The following PER3 variants were observed in gnomAD, a reference collection of about 807,000 sequenced individuals.
PER3 encodes period circadian protein homolog 3.
A neutral mutation model predicts 127.2 loss-of-function variants in PER3; 107 were observed. That is an observed-to-expected ratio of 0.84 (90% CI 0.72 to 0.99). The LOEUF is 0.99. PER3 is among the 50% of genes least tolerant of loss of function. PER3 has a pLI of 0.00. For synonymous variants in PER3, 618 were observed against 585.8 expected, an observed-to-expected ratio of 1.05 and a Z score of -0.79; for missense variants, 1,560 against 1,525.8, an observed-to-expected ratio of 1.02 and a Z score of -0.37.
intron 13 of PER3, among the ~76,000 whole-genome samples, chr1:7,814,325 AAAG>A (rs1255951645): frequency 5.3e-5 from 8 of 152,378 alleles, no homozygotes; most frequent in Admixed American, 3.3e-4. Context: ...CTGATGGAAA[AAAG>A]AAAATCTTGA....
rs780086666 is a variant in PER3, at chr1:7,793,943, A to C, written c.593-14A>C. The stretch of plus-strand genomic sequence containing the variant: ...GATAAGAGGGAGTGACTGACCAGGC[A>C]TCTTTCTTTCTAGCAGCTGCACGGT... On this transcript the variant is annotated splice_polypyrimidine_tract_variant and intron_variant, in intron 5 of 21. Coordinates refer to ENST00000377532, the MANE Select transcript of PER3 (RefSeq NM_001377275.1). 2 of 1,611,710 alleles carry C rather than the reference A, an allele frequency of 1.2e-6. No homozygotes were observed. Among genetic ancestry groups the C allele is most frequent in the Non-Finnish European group, 1.7e-6 (2 of 1,177,750 alleles).
intron 5 of PER3, among the ~76,000 whole-genome samples, chr1:7,790,153 T>A (rs1329272382): frequency 6.6e-6 from 1 of 152,222 alleles, no homozygotes; most frequent in Non-Finnish European, 1.5e-5. Flanking sequence ...GATTACTGAT[T>A]ACTGCGATAT....
intron 13 of PER3, among the ~76,000 whole-genome samples, chr1:7,815,464 A>G (rs2097243653): frequency 1.3e-5 from 2 of 152,252 alleles, no homozygotes; most frequent in African/African-American, 4.8e-5. Flanking sequence ...ATGTTAGTAG[A>G]GTTAGAAAGA....
At position 7,827,644 on chromosome 1, in the gene PER3, C is replaced by T. The variant is rs748730022; in HGVS notation, c.2715C>T (p.Val905=). The change falls in exon 18 of 22, where the codon GTC becomes GTT. Residue 905 remains valine, a synonymous_variant. Transcript: ENST00000377532. ...MSPTLDPPPS[V]TSQRREEEKW... is the part of the protein sequence containing the mutation. The stretch of plus-strand genomic sequence containing the variant: ...CAACTCTGGACCCACCCCCTTCAGT[C>T]ACCAGCCAAAGGAGAGAGGAGGAAA... The T allele has an allele frequency of 6.2e-7, 1 of 1,614,108 alleles. No individual in the cohort carries two copies.
intron 5 of PER3, among the ~76,000 whole-genome samples, chr1:7,789,874 TC>T (rs2097110882): frequency 6.6e-6 from 1 of 152,230 alleles, no homozygotes; most frequent in East Asian, 1.9e-4. Context: ...TCATCTCTTT[TC>T]CCATCTTTCA....
rs559250700 is a variant in PER3 at position 7,784,752 on chromosome 1, C to G, written c.-126C>G. The stretch of plus-strand genomic sequence containing the variant: ...TGACCCCCTGGCTCGTGGTGGCCGC[C>G]TGTTCTCACTAACGCCATGGCGGGG... On this transcript the variant is annotated 5_prime_UTR_variant, in exon 2 of 22. Coordinates refer to ENST00000377532, the MANE Select transcript of PER3 (RefSeq NM_001377275.1). 135 of 1,038,240 alleles carry G rather than the reference C, an allele frequency of 1.3e-4. 2 individuals are homozygous for G. In the South Asian group the frequency reaches 2.0e-3, roughly 15 times the overall value. The allele number at this position is 1,038,240 out of a possible 1,614,324, so 64.3% of individuals were successfully genotyped here.
chr1:7,835,936 T>C lies in PER3; in HGVS notation c.3389T>C (p.Val1130Ala), dbSNP rs748499810. The change falls in exon 20 of 22, where the codon GTA becomes GCA. Residue 1130 changes from valine (V) to alanine (A), a missense_variant. This residue lies in a region of PER3 where 199 missense variants were observed against 198.6 expected (regional missense o/e 1.00). Coordinates refer to ENST00000377532, the MANE Select transcript of PER3 (RefSeq NM_001377275.1). Reference sequence around the variant, plus strand: ...GAGCGCATTCTCATGACATACCAGGTACCTGAGAGGTAAGAAAGCACTTTA... The same window carrying C: ...GAGCGCATTCTCATGACATACCAGGCACCTGAGAGGTAAGAAAGCACTTTA... ...TPERILMTYQVPERVKEVVLK... is the reference protein window; with the variant it reads ...TPERILMTYQAPERVKEVVLK... 4 of 1,588,582 alleles carry C rather than the reference T, an allele frequency of 2.5e-6. No individual in the cohort carries two copies. In the Admixed American group the frequency reaches 5.2e-5, roughly 20 times the overall value.
In PER3 at chr1:7,830,167, G is replaced by T. The variant is rs777250816; in HGVS notation, c.3214+6G>T. On this transcript the variant is annotated splice_donor_region_variant and intron_variant, in intron 19 of 21. Coordinates refer to ENST00000377532, the MANE Select transcript of PER3 (RefSeq NM_001377275.1). ...AACTGGTTCAGCAGCATCAGGTAGT[G>T]GATCAGGACAACTAATGTTTCAAAC... 7 of 1,610,478 alleles carry T rather than the reference G, an allele frequency of 4.3e-6. No individual in the cohort carries two copies. Among genetic ancestry groups the T allele is most frequent in the Non-Finnish European group, 5.9e-6 (7 of 1,177,070 alleles).
In PER3 at chr1:7,784,307, G is replaced by A. The variant is rs1168810450; in HGVS notation, c.-294G>A. 1 of 150,046 alleles carries A rather than the reference G, an allele frequency of 6.7e-6. No homozygotes were observed. The highest frequency in any genetic ancestry group is 1.9e-4 in the East Asian group (1 of 5,152). The allele number at this position is 150,046 out of a possible 1,614,324, so 9.3% of individuals were successfully genotyped here. On this transcript the variant is annotated 5_prime_UTR_variant, in exon 1 of 22. Transcript: ENST00000377532. ...CCGGCTGCTGACCGGCACGCGGCGA[G>A]CCTCGAGACTGCGCGAGGGCGGCCC...
Position 7,784,340 on chromosome 1 carries a change from G to C in PER3, c.-261G>C, listed in dbSNP as rs1247987171. Reference sequence around the variant, plus strand: ...ACTGCGCGAGGGCGGCCCCGGGGGCGAGCGGCTGTGCGCGGGGCCAAGGGC... The same window carrying C: ...ACTGCGCGAGGGCGGCCCCGGGGGCCAGCGGCTGTGCGCGGGGCCAAGGGC... On this transcript the variant is annotated 5_prime_UTR_variant, in exon 1 of 22. Transcript: ENST00000377532. 2.7e-5 allele frequency: 4 copies of C among 150,912 alleles called. No individual in the cohort carries two copies. Among genetic ancestry groups the C allele is most frequent in the Non-Finnish European group, 5.9e-5 (4 of 67,614 alleles). The allele number at this position is 150,912 out of a possible 1,614,324, so 9.3% of individuals were successfully genotyped here. A position where few individuals can be genotyped will look rare whatever the true frequency, so the allele number is the denominator to read the frequency against.
Position 7,845,134 on chromosome 1 carries a change from TTTAAGTA to T in PER3, c.*2380_*2386del, listed in dbSNP as rs770436126. 2.5e-4 allele frequency: 38 copies of T among 152,370 alleles called. No individual in the cohort carries two copies. Among genetic ancestry groups the T allele is most frequent in the Non-Finnish European group, 4.1e-4 (28 of 68,048 alleles). The allele number at this position is 152,370 out of a possible 1,614,324, so 9.4% of individuals were successfully genotyped here. On this transcript the variant is annotated 3_prime_UTR_variant, in exon 22 of 22. Coordinates refer to ENST00000377532, the MANE Select transcript of PER3 (RefSeq NM_001377275.1). ...TAGTAATATTTCAGTTGGGTATCTT[TTTAAGTA>T]AAAACAACAAATAAACTCTGTACAT...
intron 7 of PER3, among the ~76,000 whole-genome samples, chr1:7,800,476 G>A (rs1006063426): frequency 1.3e-5 from 2 of 151,928 alleles, no homozygotes; most frequent in African/African-American, 2.4e-5. Flanking sequence ...GGGATTACAC[G>A]CGTGAGCCAC....
intron 21 of PER3, among the ~76,000 whole-genome samples, chr1:7,840,070 CTT>C (rs931280673): frequency 4.6e-5 from 7 of 152,084 alleles, no homozygotes; most frequent in African/African-American, 1.2e-4. Flanking sequence ...TTTCTTCAGT[CTT>C]TTTTCTTTCT....
At chr1:7,832,470 A>G (rs1432641552) in intron 19 of PER3, among the ~76,000 whole-genome samples, 2 of 145,618 alleles carry the variant, frequency 1.4e-5, no homozygotes, top group Non-Finnish European at 3.0e-5. Flanking sequence ...ACCTCCCAGG[A>G]TCAAGCGATT....
intron 10 of PER3, among the ~76,000 whole-genome samples, chr1:7,805,153 C>T (rs2097187420): frequency 6.6e-6 from 1 of 152,194 alleles, no homozygotes; most frequent in Non-Finnish European, 1.5e-5. Flanking sequence ...CAGGTGTGAG[C>T]CATCACGCCC....
chr1:7,810,204 G>C (rs2097213318), intron 12 of PER3, 183 bp downstream of exon 12: 1 of 673,578 alleles, frequency 1.5e-6, no homozygotes. Context: ...TTTGGAAAGT[G>C]ATATTTGAAT....
chr1:7,798,425 C>T, intron 6 of PER3, 100 bp from the exon 7 acceptor site: 1 of 885,814 alleles, frequency 1.1e-6, no homozygotes, highest in Non-Finnish European at 1.8e-6. Flanking sequence ...GTGGGTATGT[C>T]TGTCTTGGAA....
Position 7,843,984 on chromosome 1 carries a change from A to G in PER3, c.*1229A>G, listed in dbSNP as rs2151366693. On this transcript the variant is annotated 3_prime_UTR_variant, in exon 22 of 22. Transcript: ENST00000377532. ...CAGAAAAAACAAATAGAAGAAAATG[A>G]GGGTTACAGTAACCTGTTGTCTTTA... 1 of 1,262,080 alleles carries G rather than the reference A, an allele frequency of 7.9e-7. No individual in the cohort carries two copies. Among genetic ancestry groups the G allele is most frequent in the South Asian group, 1.4e-5 (1 of 73,210 alleles). The allele number at this position is 1,262,080 out of a possible 1,614,324, so 78.2% of individuals were successfully genotyped here.
chr1:7,799,610 C>CA (rs759699006), intron 7 of PER3, among the ~76,000 whole-genome samples: 2,521 of 93,114 alleles, frequency 0.027, 76 homozygotes, highest in African/African-American at 0.088. Context: ...AACTCTGTCT[C>CA]AAAAAAAAAA....
Sources: allele counts gnomAD v4.1 joint callset (sites outside exome capture counted in the v4.1 genomes callset), GRCh38; gene constraint gnomAD v4.1.1; regional missense constraint gnomAD v4.1.1; transcripts MANE v1.5; gene names NCBI Gene and HGNC (gene_info 2026-07-23, HGNC 2026-07-21).